Variants in ACTR3C observed in about 807,000 individuals in gnomAD.
ACTR3C encodes actin-related protein 3C.
In ACTR3C, 18 loss-of-function variants were observed where a neutral mutation model predicts 26.3. The observed-to-expected ratio is 0.68, with a 90% CI of 0.47 to 1.01. The LOEUF (loss-of-function observed/expected upper bound fraction) is 1.01. Ranked by LOEUF, ACTR3C falls within the 50% of genes least tolerant of loss-of-function variation. The pLI is 0.00. For missense variants in ACTR3C, 184 were observed against 250.7 expected, an observed-to-expected ratio of 0.73 and a Z score of 1.80; for synonymous variants, 55 against 94.5, an observed-to-expected ratio of 0.58 and a Z score of 2.42.
chr7:150,282,306 C>T (rs1278316385), intron 6 of ACTR3C, among the ~76,000 whole-genome samples: 4 of 151,754 alleles, frequency 2.6e-5, no homozygotes, highest in African/African-American at 7.3e-5. Flanking sequence ...CCACACCAGA[C>T]GTGAACCACG....
chr7:150,052,877 C>T, the ACTR3C span, among the ~76,000 whole-genome samples: 1 of 100,150 alleles, frequency 1.0e-5, no homozygotes, highest in Non-Finnish European at 2.2e-5. Flanking sequence ...CACTTTCTAA[C>T]TACCTTTCTT....
Position 150,277,662 on chromosome 7 carries a change from C to T in ACTR3C, c.564+7091G>A, listed in dbSNP as rs142374683. Among the ~76,000 whole-genome samples the T allele has an allele frequency of 8.7e-3, 1,322 of 152,166 alleles. 18 individuals carry two copies. Among genetic ancestry groups the T allele is most frequent in the African/African-American group, 0.03 (1,258 of 41,490 alleles). On this transcript the variant is annotated intron_variant, in intron 6 of 7. Transcript: ENST00000683684. ...CTCCTGTCAGTAAATGACCCCCCAC[C>T]CTCCTAGATAAGCAGCAAGAACCCT... is the stretch of plus-strand genomic sequence containing the variant.
the ACTR3C span, among the ~76,000 whole-genome samples, chr7:150,150,541 T>G: frequency 7.1e-6 from 1 of 141,012 alleles, no homozygotes; most frequent in East Asian, 2.6e-4. Context: ...TCACCTGTGC[T>G]CTGAGCCATG....
the ACTR3C span, among the ~76,000 whole-genome samples, chr7:150,055,997 C>G: frequency 0.49 from 75,191 of 151,954 alleles, 18,820 homozygotes; most frequent in East Asian, 0.59. Context: ...CATGTTAAAG[C>G]GTTCATTATA....
At chr7:150,061,433 C>T in the ACTR3C span, among the ~76,000 whole-genome samples, 1 of 151,112 alleles carries the variant, frequency 6.6e-6, no homozygotes, top group East Asian at 1.9e-4. Flanking sequence ...TGGCAATGTA[C>T]CTGGGAAGCT....
rs1327916082 is a variant in ACTR3C at position 150,259,326 on chromosome 7, GGAAA to G, written c.565-10276_565-10273del. 5.6e-3 allele frequency among the ~76,000 whole-genome samples: 840 copies of G among 149,368 alleles called. 6 individuals are homozygous for G. Among genetic ancestry groups the G allele is most frequent in the African/African-American group, 0.019 (758 of 39,330 alleles). On this transcript the variant is annotated intron_variant, in intron 6 of 7. Coordinates refer to ENST00000683684, the MANE Select transcript of ACTR3C (RefSeq NM_001164458.2). ...AAGAAAGAAAAAGAGAGGAAAGAAA[GGAAA>G]GAAAGAAAGAAAGACAGAGAAAGAA...
chr7:150,286,593 T>C, intron 4 of ACTR3C, 53 bp from the exon 5 acceptor site: 1 of 1,590,472 alleles, frequency 6.3e-7, no homozygotes, highest in Non-Finnish European at 8.6e-7. Context: ...CCAGTGTCTC[T>C]GCCCTCAGAC....
the ACTR3C span, among the ~76,000 whole-genome samples, chr7:150,161,969 A>C: frequency 2.0e-5 from 3 of 152,136 alleles, no homozygotes; most frequent in Non-Finnish European, 2.9e-5. Flanking sequence ...CATATACTAT[A>C]TTTTATCAAG....
chr7:150,228,320 G>GA, the ACTR3C span, among the ~76,000 whole-genome samples: 1 of 152,132 alleles, frequency 6.6e-6, no homozygotes, highest in African/African-American at 2.4e-5. Flanking sequence ...CTGGTACATA[G>GA]AAAAACAATA....
the ACTR3C span, among the ~76,000 whole-genome samples, chr7:150,154,114 C>A: frequency 2.2e-3 from 330 of 148,088 alleles, no homozygotes; most frequent in Admixed American, 2.3e-3. Context: ...AGGACATATA[C>A]CTAATGCTAA....
the ACTR3C span, among the ~76,000 whole-genome samples, chr7:150,018,912 G>GGT: frequency 0.55 from 80,671 of 147,902 alleles, 23,923 homozygotes; most frequent in Admixed American, 0.62. Context: ...GCCTTAAAAT[G>GGT]GTGTGTGTGT....
At chr7:150,008,121 T>C in the ACTR3C span, among the ~76,000 whole-genome samples, 1 of 152,248 alleles carries the variant, frequency 6.6e-6, no homozygotes, top group Non-Finnish European at 1.5e-5. Context: ...ATGGAAATGT[T>C]GGACTTGCAT....
At chr7:150,294,369 C>T (rs1233477651) in intron 2 of ACTR3C, among the ~76,000 whole-genome samples, 4 of 152,216 alleles carry the variant, frequency 2.6e-5, no homozygotes, top group African/African-American at 7.2e-5. Flanking sequence ...TGGTCGAAGA[C>T]GAAGCCCAAA....
chr7:149,985,614 C>G, the ACTR3C span, among the ~76,000 whole-genome samples: 3 of 152,238 alleles, frequency 2.0e-5, no homozygotes, highest in Admixed American at 6.5e-5. Flanking sequence ...AACACGTGCT[C>G]TCTGATCACT....
chr7:150,139,269 C>T, the ACTR3C span, among the ~76,000 whole-genome samples: 16 of 152,354 alleles, frequency 1.1e-4, no homozygotes, highest in Non-Finnish European at 1.5e-5. Flanking sequence ...TTGAAAAGAG[C>T]GTGCTCTCCA....
chr7:150,148,541 C>A, the ACTR3C span, among the ~76,000 whole-genome samples: 1 of 152,228 alleles, frequency 6.6e-6, no homozygotes, highest in Non-Finnish European at 1.5e-5. Context: ...TCCCTCCCTG[C>A]CCAGAGCTCA....
the ACTR3C span, among the ~76,000 whole-genome samples, chr7:150,024,318 A>G: frequency 6.6e-6 from 1 of 152,110 alleles, no homozygotes; most frequent in Admixed American, 6.5e-5. Context: ...AGGAGGACCC[A>G]CGGGAGGGTG....
At chr7:149,983,516 T>C in the ACTR3C span, among the ~76,000 whole-genome samples, 2 of 146,490 alleles carry the variant, frequency 1.4e-5, no homozygotes, top group Admixed American at 1.4e-4. Context: ...TCCTTGTACA[T>C]TATTGGGGGG....
At chr7:149,974,870 C>T in the ACTR3C span, among the ~76,000 whole-genome samples, 1 of 151,652 alleles carries the variant, frequency 6.6e-6, no homozygotes, top group African/African-American at 2.4e-5. Context: ...GTAGTCAGTC[C>T]GTTGAAAGGT....
Sources: gnomAD v4.1 joint callset for allele counts (sites outside exome capture counted in the v4.1 genomes callset) on GRCh38, gnomAD v4.1.1 for gene constraint, MANE v1.5 for transcripts, NCBI Gene and HGNC (gene_info 2026-07-23, HGNC 2026-07-21) for gene names.